Variants in CPQ observed in about 807,000 individuals in gnomAD.
The protein encoded by CPQ is carboxypeptidase Q.
Under a neutral mutation model 45.7 loss-of-function variants are expected in CPQ, and 37 were observed. The ratio of observed to expected loss-of-function variants is 0.81; its 90% CI spans 0.62 to 1.07. The LOEUF (loss-of-function observed/expected upper bound fraction) is 1.07, where lower values mean the gene tolerates loss of function less well. CPQ is among the 50% of genes least tolerant of loss of function. The pLI, the probability that CPQ is intolerant of heterozygous loss-of-function variation, is 0.00. For synonymous variants in CPQ, 186 were observed against 205.8 expected (o/e 0.90, Z 0.82); for missense variants, 537 against 572.9 (o/e 0.94, Z 0.64).
chr8:96,892,474 T>C (rs1015693664), intron 4 of CPQ, among the ~76,000 whole-genome samples: 1 of 152,240 alleles, frequency 6.6e-6, no homozygotes, highest in Non-Finnish European at 1.5e-5. Flanking sequence ...CATGAACATA[T>C]TGGTTGGAAC....
intron 1 of CPQ, among the ~76,000 whole-genome samples, chr8:96,747,878 C>T (rs899448570): frequency 2.3e-4 from 35 of 152,174 alleles, no homozygotes; most frequent in African/African-American, 8.2e-4. Flanking sequence ...AATATGCACA[C>T]TAAAGTTTGA....
chr8:97,042,209 C>G (rs767080809), intron 6 of CPQ, among the ~76,000 whole-genome samples: 4 of 152,136 alleles, frequency 2.6e-5, no homozygotes, highest in Non-Finnish European at 5.9e-5. Context: ...CTGGTTTAGT[C>G]TTGGGAGGGT....
At chr8:96,975,865 CAACA>C (rs911979366) in intron 5 of CPQ, among the ~76,000 whole-genome samples, 4 of 151,482 alleles carry the variant, frequency 2.6e-5, no homozygotes, top group Non-Finnish European at 4.4e-5. Flanking sequence ...TAGCCATCTA[CAACA>C]AACAGATAAC....
chr8:96,682,435 A>G (rs915767725), intron 1 of CPQ, among the ~76,000 whole-genome samples: 2 of 152,326 alleles, frequency 1.3e-5, no homozygotes, highest in Admixed American at 6.5e-5. Context: ...GCCTTCTGCC[A>G]TGATGGTGAG....
intron 5 of CPQ, among the ~76,000 whole-genome samples, chr8:97,017,245 G>T (rs183509036): frequency 6.2e-4 from 95 of 152,308 alleles, no homozygotes; most frequent in African/African-American, 2.3e-3. Context: ...GGAAGCAGGA[G>T]AAAAGTCCCT....
chr8:97,035,310 G>A (rs1415586420), intron 6 of CPQ, among the ~76,000 whole-genome samples: 1 of 152,164 alleles, frequency 6.6e-6, no homozygotes, highest in African/African-American at 2.4e-5. Context: ...TCCAGTTTTA[G>A]CTATTATAAA....
At chr8:97,137,839 A>G (rs1812089929) in intron 7 of CPQ, among the ~76,000 whole-genome samples, 1 of 151,982 alleles carries the variant, frequency 6.6e-6, no homozygotes, top group South Asian at 2.1e-4. Flanking sequence ...CAGTGAGCCA[A>G]GTTCACGCCA....
intron 1 of CPQ, among the ~76,000 whole-genome samples, chr8:96,687,544 A>T (rs1809248762): frequency 6.6e-6 from 1 of 151,790 alleles, no homozygotes; most frequent in Non-Finnish European, 1.5e-5. Flanking sequence ...TTCACTTTTT[A>T]TGTTTATTAA....
intron 1 of CPQ, among the ~76,000 whole-genome samples, chr8:96,746,731 T>A (rs1047442712): frequency 9.9e-5 from 15 of 152,198 alleles, no homozygotes; most frequent in Non-Finnish European, 2.1e-4. Context: ...TCTGAGTAGT[T>A]CTTTTAAACC....
intron 2 of CPQ, among the ~76,000 whole-genome samples, chr8:96,829,156 G>A (rs1811414074): frequency 6.6e-6 from 1 of 152,086 alleles, no homozygotes; most frequent in African/African-American, 2.4e-5. Context: ...TATCAGTACA[G>A]CAAGTGGCTC....
In CPQ at chr8:97,052,712, AAGG is replaced by A. The variant is rs1810383529; in HGVS notation, c.1054-13291_1054-13289del. On this transcript the variant is annotated intron_variant, in intron 6 of 7. Coordinates refer to ENST00000220763, the MANE Select transcript of CPQ (RefSeq NM_016134.4). ...ATATTCAGCCCTGTTTTCACCTGAG[AAGG>A]AGGAGATTTTGCCACCTAGCCTCCA... Among the ~76,000 whole-genome samples, 3 of 152,104 alleles carry A rather than the reference AAGG, an allele frequency of 2.0e-5. No individual in the cohort carries two copies. The South Asian group carries it at 6.2e-4, about 31-fold the overall frequency.
intron 7 of CPQ, among the ~76,000 whole-genome samples, chr8:97,076,834 C>T (rs910200179): frequency 6.6e-6 from 1 of 152,092 alleles, no homozygotes; most frequent in African/African-American, 2.4e-5. Flanking sequence ...CCTTGAACAA[C>T]AGGGAGTTTA....
intron 1 of CPQ, among the ~76,000 whole-genome samples, chr8:96,741,027 T>C (rs1277640634): frequency 6.6e-6 from 1 of 152,180 alleles, no homozygotes; most frequent in Non-Finnish European, 1.5e-5. Context: ...TTCTATTGAT[T>C]GGAATAGTTT....
chr8:96,698,800 C>T (rs1456284030), intron 1 of CPQ, among the ~76,000 whole-genome samples: 1 of 152,066 alleles, frequency 6.6e-6, no homozygotes, highest in Non-Finnish European at 1.5e-5. Context: ...ACCCCAGTTA[C>T]AATGGCTTTT....
At chr8:96,888,651 T>C (rs1812334804) in intron 4 of CPQ, among the ~76,000 whole-genome samples, 1 of 152,216 alleles carries the variant, frequency 6.6e-6, no homozygotes, top group Admixed American at 6.5e-5. Context: ...TCCCTTTTTC[T>C]GTGGTACTTC....
chr8:97,125,042 G>A (rs953786885), intron 7 of CPQ, among the ~76,000 whole-genome samples: 3 of 152,096 alleles, frequency 2.0e-5, no homozygotes, highest in African/African-American at 7.2e-5. Flanking sequence ...GATGCAAACT[G>A]GCAATCTCAG....
intron 5 of CPQ, among the ~76,000 whole-genome samples, chr8:96,968,367 T>C (rs1215694604): frequency 1.3e-5 from 2 of 152,260 alleles, no homozygotes; most frequent in South Asian, 4.1e-4. Flanking sequence ...CTCTTTAATT[T>C]TGAAATTGTG....
chr8:97,141,872 G>T (rs1265205094), intron 7 of CPQ, among the ~76,000 whole-genome samples: 1 of 152,126 alleles, frequency 6.6e-6, no homozygotes, highest in African/African-American at 2.4e-5. Flanking sequence ...ATATCTGGAG[G>T]ATATGGTTCA....
intron 2 of CPQ, among the ~76,000 whole-genome samples, chr8:96,818,527 G>A (rs968170331): frequency 4.6e-5 from 7 of 151,980 alleles, no homozygotes; most frequent in East Asian, 1.9e-4. Flanking sequence ...TGTAAAAAAC[G>A]CATTCATCTG....
Sources: gnomAD v4.1 joint callset for allele counts (sites outside exome capture counted in the v4.1 genomes callset) on GRCh38, gnomAD v4.1.1 for gene constraint, MANE v1.5 for transcripts, NCBI Gene and HGNC (gene_info 2026-07-23, HGNC 2026-07-21) for gene names.